The following TBC1D22A variants were observed in gnomAD, a reference collection of about 807,000 sequenced individuals.
TBC1D22A encodes the protein putative GTPase activator.
In TBC1D22A, 38 loss-of-function variants were observed where a neutral mutation model predicts 60.2. The observed-to-expected ratio is 0.63, with a 90% confidence interval of 0.49 to 0.83. The LOEUF is 0.83. Ranked by LOEUF, TBC1D22A falls within the 40% of genes least tolerant of loss-of-function variation. The probability of loss-of-function intolerance (pLI) is 0.00; values close to 1 mark genes in which losing one functional copy is unlikely to be tolerated. For missense variants in TBC1D22A, 628 were observed against 701.0 expected (o/e 0.90, Z 1.18); for synonymous variants, 302 against 281.7 (o/e 1.07, Z -0.72).
intron 11 of TBC1D22A, among the ~76,000 whole-genome samples, chr22:47,087,504 A>G (rs189214996): frequency 1.3e-5 from 2 of 152,360 alleles, no homozygotes; most frequent in East Asian, 3.9e-4. Context: ...CTTTGAAGCA[A>G]TTTGAATGTA....
chr22:47,029,349 G>T (rs2062379072), intron 10 of TBC1D22A, among the ~76,000 whole-genome samples: 1 of 152,218 alleles, frequency 6.6e-6, no homozygotes, highest in Non-Finnish European at 1.5e-5. Flanking sequence ...AATGGGGCCA[G>T]GGTGCTAACT....
At chr22:47,124,809 C>A (rs1489381142) in intron 12 of TBC1D22A, among the ~76,000 whole-genome samples, 1 of 151,978 alleles carries the variant, frequency 6.6e-6, no homozygotes, top group Non-Finnish European at 1.5e-5. Flanking sequence ...CCGAGGTCCG[C>A]CAGTCTGAGC....
rs957578881 is a variant in TBC1D22A, at chr22:47,004,973, T to G, written c.1201+7264T>G. Among the ~76,000 whole-genome samples, 5 of 151,776 alleles carry G rather than the reference T, an allele frequency of 3.3e-5. 1 individual carries two copies. Among genetic ancestry groups the G allele is most frequent in the African/African-American group, 4.9e-5 (2 of 41,232 alleles). ...ACATACCCTTACATCTGTACACACC[T>G]GTCATATATGCATACACATACATGC... On this transcript the variant is annotated intron_variant, in intron 10 of 12. Coordinates refer to ENST00000337137, the MANE Select transcript of TBC1D22A (RefSeq NM_014346.5).
chr22:46,830,974 GAGGGAGCCTC>G (rs2086283995), intron 4 of TBC1D22A, among the ~76,000 whole-genome samples: 1 of 152,148 alleles, frequency 6.6e-6, no homozygotes, highest in South Asian at 2.1e-4. Flanking sequence ...CTGGTGGTGT[GAGGGAGCCTC>G]AGGGTCCCAG....
chr22:47,153,419 C>T (rs539569567), intron 12 of TBC1D22A, among the ~76,000 whole-genome samples: 8 of 152,020 alleles, frequency 5.3e-5, no homozygotes, highest in African/African-American at 1.9e-4. Flanking sequence ...CTTGGCAGCC[C>T]CTGCCATGGT....
chr22:46,899,791 G>C (rs1225079263), intron 7 of TBC1D22A, among the ~76,000 whole-genome samples: 1 of 152,052 alleles, frequency 6.6e-6, no homozygotes, highest in Admixed American at 6.6e-5. Flanking sequence ...TAGCACTTCT[G>C]CTTGTTTCCT....
chr22:47,121,611 C>T (rs2066273151), intron 12 of TBC1D22A, among the ~76,000 whole-genome samples: 1 of 152,092 alleles, frequency 6.6e-6, no homozygotes, highest in Non-Finnish European at 1.5e-5. Flanking sequence ...GCTTCTATTC[C>T]ACGCGTGGAC....
intron 11 of TBC1D22A, among the ~76,000 whole-genome samples, chr22:47,056,012 G>A (rs1256590200): frequency 6.8e-6 from 1 of 146,784 alleles, no homozygotes; most frequent in Non-Finnish European, 1.5e-5. Context: ...GGGACTGTTG[G>A]ACTGAGCAGG....
chr22:47,077,441 A>G (rs1433098127), intron 11 of TBC1D22A, among the ~76,000 whole-genome samples: 6 of 152,164 alleles, frequency 3.9e-5, no homozygotes, highest in Non-Finnish European at 5.9e-5. Context: ...TGTCTGCAGT[A>G]CTTATCTTTC....
At chr22:47,058,043 G>C (rs964569590) in intron 11 of TBC1D22A, among the ~76,000 whole-genome samples, 2 of 152,190 alleles carry the variant, frequency 1.3e-5, no homozygotes, top group African/African-American at 4.8e-5. Flanking sequence ...GGCTGCCCTA[G>C]GTGCAGCAAG....
chr22:47,068,691 AT>A (rs1352628495), intron 11 of TBC1D22A, among the ~76,000 whole-genome samples: 1 of 152,254 alleles, frequency 6.6e-6, no homozygotes, highest in Admixed American at 6.5e-5. Context: ...GGAAATGGAT[AT>A]GATTGTGTCC....
At chr22:46,825,345 G>A (rs2086008328) in intron 4 of TBC1D22A, among the ~76,000 whole-genome samples, 1 of 152,152 alleles carries the variant, frequency 6.6e-6, no homozygotes, top group Non-Finnish European at 1.5e-5. Context: ...CCCCTCACCA[G>A]CACAGGGGAC....
At chr22:46,960,016 T>C (rs1053360401) in intron 8 of TBC1D22A, among the ~76,000 whole-genome samples, 2 of 152,192 alleles carry the variant, frequency 1.3e-5, no homozygotes, top group Admixed American at 6.5e-5. Flanking sequence ...CCTGGTTCCT[T>C]GTAGCAGAGG....
At chr22:47,078,403 C>T (rs1296281281) in intron 11 of TBC1D22A, among the ~76,000 whole-genome samples, 5 of 152,212 alleles carry the variant, frequency 3.3e-5, no homozygotes, top group Admixed American at 6.5e-5. Flanking sequence ...TGTGCCCCCT[C>T]CCCTCCCCGG....
chr22:47,038,290 AT>A (rs1412164776), intron 11 of TBC1D22A, among the ~76,000 whole-genome samples: 1 of 152,094 alleles, frequency 6.6e-6, no homozygotes, highest in Non-Finnish European at 1.5e-5. Context: ...CACGTTCAGG[AT>A]TTGCAGGGGG....
chr22:46,940,553 TGTATGTATAC>T (rs1392830984), intron 8 of TBC1D22A, among the ~76,000 whole-genome samples: 5 of 149,192 alleles, frequency 3.4e-5, no homozygotes, highest in Non-Finnish European at 7.4e-5. Context: ...TATATGTATG[TGTATGTATAC>T]ACACACACAC....
intron 11 of TBC1D22A, among the ~76,000 whole-genome samples, chr22:47,051,906 C>A (rs1031234678): frequency 6.6e-6 from 1 of 152,262 alleles, no homozygotes; most frequent in Non-Finnish European, 1.5e-5. Context: ...CCCTGAAAGG[C>A]GGTCACTGTG....
chr22:46,851,329 A>G (rs1360533967), intron 4 of TBC1D22A, among the ~76,000 whole-genome samples: 1 of 152,224 alleles, frequency 6.6e-6, no homozygotes, highest in African/African-American at 2.4e-5. Flanking sequence ...CATCACCTCC[A>G]GGGTTCAAAC....
chr22:47,016,092 C>T (rs904526280), intron 10 of TBC1D22A, among the ~76,000 whole-genome samples: 6 of 152,198 alleles, frequency 3.9e-5, no homozygotes, highest in African/African-American at 1.2e-4. Flanking sequence ...TGTCCCGGCA[C>T]GCTTCCTGTG....
Sources: gnomAD v4.1 joint callset for allele counts (sites outside exome capture counted in the v4.1 genomes callset) on GRCh38, gnomAD v4.1.1 for gene constraint, MANE v1.5 for transcripts, NCBI Gene and HGNC (gene_info 2026-07-23, HGNC 2026-07-21) for gene names.